G3BP2: variants seen among roughly 807,000 people sequenced by gnomAD.
The protein encoded by G3BP2 is G3BP stress granule assembly factor 2, also known as ras GTPase-activating protein-binding protein 2.
A neutral mutation model predicts 56.7 loss-of-function variants in G3BP2; 11 were observed. That is an observed-to-expected ratio of 0.19 (90% CI 0.12 to 0.32). G3BP2 has a LOEUF of 0.32. Among genes scored for constraint, G3BP2 ranks in the 10% least tolerant of loss-of-function variants. The probability of loss-of-function intolerance (pLI) is 1.00; values close to 1 mark genes in which losing one functional copy is unlikely to be tolerated. For synonymous variants in G3BP2, 165 were observed against 191.6 expected, an observed-to-expected ratio of 0.86 and a Z score of 1.15; for missense variants, 340 against 610.9, an observed-to-expected ratio of 0.56 and a Z score of 4.67.
rs3796487 is a variant in G3BP2 at position 75,703,556 on chromosome 4, C to T, written c.-25+17321G>A. On this transcript the variant is annotated intron_variant, in intron 3 of 3. Coordinates refer to the G3BP2 transcript ENST00000499709. The stretch of plus-strand genomic sequence containing the variant: ...TTTTTAGCCAGTCCTAAAATGTATA[C>T]GACTGTGAAATAGACAAACAGGGTT... 6.1e-4 allele frequency among the ~76,000 whole-genome samples: 93 copies of T among 152,264 alleles called. No individual in the cohort carries two copies. In the East Asian group the frequency reaches 0.015, roughly 25 times the overall value.
intron 3 of G3BP2, among the ~76,000 whole-genome samples, chr4:75,720,750 C>A (rs1189933537): frequency 3.3e-5 from 5 of 150,448 alleles, no homozygotes; most frequent in African/African-American, 1.2e-4. Context: ...GAGCCGAGAT[C>A]GCGCCACTAC....
rs542845248 is a variant in G3BP2, at chr4:75,679,435, A to G, written c.-24-17386T>C. On this transcript the variant is annotated intron_variant, in intron 3 of 3. Coordinates refer to the G3BP2 transcript ENST00000499709. The stretch of plus-strand genomic sequence containing the variant: ...TTGTGAGGCTGGGACAGGTTAGGGT[A>G]TAAAGGAGTGTTTTCCTCTCCAATC... Among the ~76,000 whole-genome samples, 29 of 152,376 alleles carry G rather than the reference A, an allele frequency of 1.9e-4. No homozygotes were observed. In the South Asian group the frequency reaches 4.8e-3, roughly 25 times the overall value.
intron 3 of G3BP2, among the ~76,000 whole-genome samples, chr4:75,715,187 G>T (rs911408836): frequency 6.6e-5 from 10 of 152,132 alleles, no homozygotes; most frequent in Admixed American, 3.9e-4. Context: ...GACTGCCTAT[G>T]GCAGGGCCTG....
chr4:75,704,369 G>A (rs1412947075), intron 3 of G3BP2, among the ~76,000 whole-genome samples: 3 of 152,032 alleles, frequency 2.0e-5, no homozygotes, highest in Admixed American at 2.0e-4. Context: ...CCAGGCTAGA[G>A]TGCAGTGGTG....
At chr4:75,660,845 C>T (rs532637770) in intron 2 of G3BP2, among the ~76,000 whole-genome samples, 7 of 152,214 alleles carry the variant, frequency 4.6e-5, no homozygotes, top group Admixed American at 2.6e-4. Flanking sequence ...TGCTAAGATA[C>T]ACCAAGAAGA....
At chr4:75,712,802 G>A (rs1402047250) in intron 3 of G3BP2, among the ~76,000 whole-genome samples, 1 of 151,910 alleles carries the variant, frequency 6.6e-6, no homozygotes, top group Non-Finnish European at 1.5e-5. Context: ...TCTTCATCTA[G>A]TATATAAGAC....
rs779656778 is a variant in G3BP2, at chr4:75,655,117, A to G, written c.675T>C (p.Ser225=). 5.6e-6 allele frequency: 9 copies of G among 1,612,608 alleles called. No homozygotes were observed. In the Admixed American group the frequency reaches 8.3e-5, roughly 15 times the overall value. Residue 225 remains serine, a synonymous_variant, in exon 7 of 12, where the codon TCT becomes TCC. Coordinates refer to ENST00000359707, the MANE Select transcript of G3BP2 (RefSeq NM_203505.3). ...CAGGTTCTGCCGGAGGAGGAGTAGT[A>G]GATTTCTCCTCTAGTTCTTCTAAGT... The part of the protein sequence containing the change: ...EKNLEELEEK[S]TTPPPAEPVS...
rs869037819 is a variant in G3BP2 at position 75,697,273 on chromosome 4, C to CAAAAAA, written c.-25+23598_-25+23603dup. ...TGGCTGACAGAGCGAGACTCTGTCT[C>CAAAAAA]AAAAAAAAAAAAAAAAAAAAAAAAA... On this transcript the variant is annotated intron_variant, in intron 3 of 3. Transcript: ENST00000499709. Among the ~76,000 whole-genome samples the CAAAAAA allele has an allele frequency of 5.4e-3, 157 of 28,808 alleles. 12 individuals carry two copies. The highest frequency in any genetic ancestry group is 0.017 in the African/African-American group (120 of 7,258). The allele number at this position is 28,808 out of a possible 152,430, so 18.9% of individuals were successfully genotyped here.
exon 3 of G3BP2, among the ~76,000 whole-genome samples, chr4:75,720,921 G>A (rs13103667): frequency 1.1e-4 from 16 of 148,108 alleles, no homozygotes; most frequent in African/African-American, 4.0e-4. Flanking sequence ...AGAATAGCTT[G>A]AGGCCGGGAG....
At chr4:75,662,969 A>G (rs567450506) in intron 1 of G3BP2, among the ~76,000 whole-genome samples, 48 of 152,336 alleles carry the variant, frequency 3.2e-4, no homozygotes, top group African/African-American at 1.1e-3. Flanking sequence ...AATGGTAACA[A>G]TGATTAATCA....
chr4:75,662,071 T>TA (rs1732609074), intron 1 of G3BP2, 22 bp from the exon 2 acceptor site: 1 of 1,307,836 alleles, frequency 7.6e-7, no homozygotes. Context: ...AACACAAGAA[T>TA]AACTATTAAA....
upstream of G3BP2, among the ~76,000 whole-genome samples, chr4:75,676,617 G>C (rs1733888100): frequency 6.6e-6 from 1 of 152,080 alleles, no homozygotes; most frequent in Admixed American, 6.6e-5. Flanking sequence ...ATACATTTCT[G>C]TTCCCTCTAC....
intron 2 of G3BP2, among the ~76,000 whole-genome samples, chr4:75,660,549 A>C (rs562986245): frequency 3.3e-5 from 5 of 152,194 alleles, no homozygotes; most frequent in Non-Finnish European, 7.4e-5. Flanking sequence ...TAAGACTGTC[A>C]TAAGGAATAC....
intron 1 of G3BP2, chr4:75,672,965 C>T: frequency 1.0e-6 from 1 of 982,890 alleles, no homozygotes. Flanking sequence ...GAGCCCTCTG[C>T]CCGCAAGACG....
chr4:75,724,188 T>C (rs1160592400), intron 1 of G3BP2: 3 of 152,670 alleles, frequency 2.0e-5, no homozygotes, highest in Admixed American at 2.0e-4. Context: ...TGTAAAGAAA[T>C]GCAATTTACC....
chr4:75,716,794 C>G (rs4859549), intron 3 of G3BP2, among the ~76,000 whole-genome samples: 1 of 152,048 alleles, frequency 6.6e-6, no homozygotes. Context: ...GGATTACAGG[C>G]GTGAGCCACT....
At chr4:75,692,147 T>C (rs1470730922) in intron 3 of G3BP2, among the ~76,000 whole-genome samples, 4 of 152,206 alleles carry the variant, frequency 2.6e-5, no homozygotes, top group Admixed American at 2.6e-4. Flanking sequence ...GTGTTGTCAC[T>C]ATTATGTTCC....
At chr4:75,656,079 C>A (rs905987529) in intron 5 of G3BP2, among the ~76,000 whole-genome samples, 1 of 151,480 alleles carries the variant, frequency 6.6e-6, no homozygotes, top group Non-Finnish European at 1.5e-5. Flanking sequence ...CAACCTCCGC[C>A]TTCTGGGTTC....
intron 3 of G3BP2, among the ~76,000 whole-genome samples, chr4:75,691,935 G>T (rs1718875598): frequency 6.6e-6 from 1 of 152,044 alleles, no homozygotes; most frequent in Non-Finnish European, 1.5e-5. Flanking sequence ...AGAATTTTTA[G>T]TGATTTTCCC....
Sources: gnomAD v4.1 joint callset for allele counts (sites outside exome capture counted in the v4.1 genomes callset) on GRCh38, gnomAD v4.1.1 for gene constraint, MANE v1.5 for transcripts, NCBI Gene and HGNC (gene_info 2026-07-23, HGNC 2026-07-21) for gene names.